CAPRIN2: variants seen among roughly 807,000 people sequenced by gnomAD.
CAPRIN2 encodes caprin family member 2.
CAPRIN2 carries 66 observed loss-of-function variants against 130.4 expected under a neutral mutation model. The observed-to-expected ratio is 0.51, with a 90% CI of 0.42 to 0.62. The LOEUF is 0.62. CAPRIN2 is among the 20% of genes least tolerant of loss of function. The pLI is 0.00. For missense variants in CAPRIN2, 1,185 were observed against 1,246.6 expected, an observed-to-expected ratio of 0.95 and a Z score of 0.74; for synonymous variants, 471 against 444.1, an observed-to-expected ratio of 1.06 and a Z score of -0.76.
chr12:30,713,002 A>G (rs1167876107), intron 15 of CAPRIN2, among the ~76,000 whole-genome samples: 1 of 152,064 alleles, frequency 6.6e-6, no homozygotes, highest in Non-Finnish European at 1.5e-5. Context: ...TCAGCCTCCC[A>G]AAGTGCTGGG....
chr12:30,733,814 A>C, intron 4 of CAPRIN2, 103 bp from the exon 6 acceptor site: 1 of 775,250 alleles, frequency 1.3e-6, no homozygotes, highest in Non-Finnish European at 2.2e-6. Flanking sequence ...AAGACATTCA[A>C]ATGTTAATTT....
exon 13 of CAPRIN2, chr12:30,716,538 C>G (rs757729711): frequency 6.2e-7 from 1 of 1,613,918 alleles, no homozygotes; most frequent in Non-Finnish European, 8.5e-7. Flanking sequence ...GTTTGTTCTA[C>G]ATGTATAGAT....
exon 8 of CAPRIN2, chr12:30,728,932 G>C: frequency 6.2e-7 from 1 of 1,614,148 alleles, no homozygotes; most frequent in South Asian, 1.1e-5. Flanking sequence ...TTCTGCAGCT[G>C]AACTGGCCAC....
intron 5 of CAPRIN2, among the ~76,000 whole-genome samples, chr12:30,732,880 A>AATTGC (rs2063215069): frequency 2.6e-5 from 4 of 152,144 alleles, no homozygotes; most frequent in Non-Finnish European, 5.9e-5. Flanking sequence ...GCTTAGCGTT[A>AATTGC]TAAGTGTATG....
At chr12:30,712,034 G>T (rs183233265) in intron 15 of CAPRIN2, among the ~76,000 whole-genome samples, 39 of 151,994 alleles carry the variant, frequency 2.6e-4, no homozygotes, top group Admixed American at 2.3e-3. Context: ...ACACCAAACT[G>T]GGAAGACCAA....
intron 12 of CAPRIN2, among the ~76,000 whole-genome samples, chr12:30,718,878 C>T (rs535365018): frequency 7.7e-4 from 118 of 152,318 alleles, no homozygotes; most frequent in African/African-American, 2.7e-3. Context: ...GATAAAACAC[C>T]CATTTAAAAT....
At chr12:30,739,579 A>AT (rs2066433381) in intron 3 of CAPRIN2, among the ~76,000 whole-genome samples, 7 of 152,262 alleles carry the variant, frequency 4.6e-5, no homozygotes, top group Admixed American at 4.6e-4. Flanking sequence ...CTTAAAAAGA[A>AT]TAAGTCGCGC....
intron 8 of CAPRIN2, among the ~76,000 whole-genome samples, chr12:30,727,629 A>G (rs1755055327): frequency 1.3e-5 from 2 of 152,262 alleles, no homozygotes; most frequent in South Asian, 4.1e-4. Context: ...GGCAACCCTA[A>G]CATAGCACTG....
Position 30,710,315 on chromosome 12 carries a change from G to A in CAPRIN2, c.2821C>T (p.Pro941Ser), listed in dbSNP as rs142547870. 29 of 1,614,022 alleles carry A rather than the reference G, an allele frequency of 1.8e-5. No individual in the cohort carries two copies. The Middle Eastern group carries it at 8.2e-4, about 46-fold the overall frequency. ...GCAACTCGCATCTGCTGAGGCAGAG[G>A]GTAGACGTGTACTGGCAGTATGGTG... The change falls in exon 17 of 17, where the codon CCT becomes TCT. Residue 941 changes from proline to serine, a missense_variant. Around this residue, in one of 2 missense-constraint regions of CAPRIN2, gnomAD observed 1,104 missense variants for 1,104.3 expected, o/e 1.00. Coordinates refer to ENST00000298892, the Ensembl canonical transcript of CAPRIN2. This position sits in a 1 kb window ranked among gnomAD's most constrained non-coding sequence, Gnocchi z 4.8.
At chr12:30,720,816 G>T (rs2059192506) in exon 12 of CAPRIN2, 1 of 1,576,304 alleles carries the variant, frequency 6.3e-7, no homozygotes, top group Non-Finnish European at 8.7e-7. Context: ...TTTACCTCAG[G>T]AGTCTCTGAG....
At chr12:30,730,037 G>GTCATTAACGTTATCCCTATT (rs2062107930) in intron 7 of CAPRIN2, among the ~76,000 whole-genome samples, 2 of 152,110 alleles carry the variant, frequency 1.3e-5, no homozygotes, top group Non-Finnish European at 1.5e-5. Flanking sequence ...CCATGAAGTA[G>GTCATTAACGTTATCCCTATT]TCATTAACGT....
At chr12:30,748,980 AG>A (rs2072233277) in intron 2 of CAPRIN2, among the ~76,000 whole-genome samples, 1 of 152,206 alleles carries the variant, frequency 6.6e-6, no homozygotes, top group African/African-American at 2.4e-5. Flanking sequence ...ACTTCTATTA[AG>A]AAAAATTAAG....
intron 13 of CAPRIN2, chr12:30,715,360 C>G: frequency 1.6e-6 from 1 of 619,664 alleles, no homozygotes; most frequent in East Asian, 3.2e-5. Context: ...AAAATTTTGA[C>G]CCATGCTACA....
intron 5 of CAPRIN2, among the ~76,000 whole-genome samples, chr12:30,733,265 A>G (rs2063358665): frequency 6.6e-6 from 1 of 152,158 alleles, no homozygotes; most frequent in Admixed American, 6.6e-5. Flanking sequence ...GATCTGGTAG[A>G]TAAGCCTTGA....
intron 4 of CAPRIN2, among the ~76,000 whole-genome samples, chr12:30,734,643 T>C (rs1406897795): frequency 1.3e-5 from 2 of 152,112 alleles, no homozygotes; most frequent in Non-Finnish European, 2.9e-5. Flanking sequence ...GAAATAGATA[T>C]AATATTATAC....
exon 6 of CAPRIN2, chr12:30,731,488 C>G: frequency 6.2e-7 from 1 of 1,612,678 alleles, no homozygotes; most frequent in Non-Finnish European, 8.5e-7. Flanking sequence ...GCAATTTAGA[C>G]AGTAGATCCT....
intron 10 of CAPRIN2, among the ~76,000 whole-genome samples, chr12:30,723,718 GATTAT>G (rs2060083179): frequency 6.6e-6 from 1 of 151,970 alleles, no homozygotes; most frequent in African/African-American, 2.4e-5. Context: ...GTTTTTTTCT[GATTAT>G]ATATATTAAC....
intron 2 of CAPRIN2, among the ~76,000 whole-genome samples, chr12:30,742,300 G>C (rs996114496): frequency 2.0e-5 from 3 of 151,922 alleles, no homozygotes; most frequent in African/African-American, 7.3e-5. Context: ...AGAACAATAG[G>C]AACTCCTATG....
Position 30,753,438 on chromosome 12 carries a change from C to T in CAPRIN2, c.326G>A (p.Ser109Asn), listed in dbSNP as rs145069052. 49 of 1,613,992 alleles carry T rather than the reference C, an allele frequency of 3.0e-5. No homozygotes were observed. In the African/African-American group the frequency reaches 5.6e-4, roughly 18 times the overall value. The change falls in exon 1 of 17, where the codon AGT (serine) becomes AAT (asparagine). Residue 109 changes from serine to asparagine, a missense_variant. Physicochemically the swap from Ser to Asn is conservative, Grantham distance 46 (BLOSUM62 1). Around this residue, in one of 2 missense-constraint regions of CAPRIN2, gnomAD observed 1,104 missense variants for 1,104.3 expected, o/e 1.00. Transcript: ENST00000298892. Reference sequence around the variant, plus strand: ...CGCTTGGGAAGGAGATGCAGCAGAACTCAGAGTAGACTGCAGGGGGCTCAA... The same window carrying T: ...CGCTTGGGAAGGAGATGCAGCAGAATTCAGAGTAGACTGCAGGGGGCTCAA...
Sources: gnomAD v4.1 joint callset for allele counts (sites outside exome capture counted in the v4.1 genomes callset) on GRCh38, gnomAD v4.1.1 for gene constraint, gnomAD v4.1.1 regional missense constraint, Gnocchi (gnomAD v3.1) non-coding constraint, MANE v1.5 for transcripts, NCBI Gene and HGNC (gene_info 2026-07-23, HGNC 2026-07-21) for gene names.